Variants in ZGPAT observed in about 807,000 individuals in gnomAD.
ZGPAT encodes the protein zinc finger CCCH-type and G-patch domain containing.
In ZGPAT, 39 loss-of-function variants were observed where a neutral mutation model predicts 47.9. The observed-to-expected ratio is 0.81, with a 90% confidence interval of 0.63 to 1.06. ZGPAT has a LOEUF of 1.06. ZGPAT is among the 50% of genes least tolerant of loss of function. ZGPAT has a pLI of 0.00. For synonymous variants in ZGPAT, 348 were observed against 292.9 expected (o/e 1.19, Z -1.92); for missense variants, 717 against 681.4 (o/e 1.05, Z -0.58).
At chr20:63,732,029 T>C (rs1330142268) in intron 2 of ZGPAT, among the ~76,000 whole-genome samples, 2 of 152,222 alleles carry the variant, frequency 1.3e-5, no homozygotes, top group African/African-American at 4.8e-5. Context: ...ACCAAGAGAC[T>C]ACGTGTGTAT....
intron 2 of ZGPAT, among the ~76,000 whole-genome samples, chr20:63,732,357 CATGT>C (rs1333106871): frequency 6.3e-4 from 13 of 20,706 alleles, no homozygotes; most frequent in African/African-American, 2.1e-3. Flanking sequence ...TGTGTGTGTG[CATGT>C]GTCAGGGTGT....
intron 2 of ZGPAT, among the ~76,000 whole-genome samples, chr20:63,724,839 A>G (rs981391914): frequency 2.0e-5 from 3 of 151,540 alleles, no homozygotes; most frequent in Admixed American, 6.6e-5. Context: ...ACCCCCAGCC[A>G]ATTTTTTTGG....
intron 2 of ZGPAT, among the ~76,000 whole-genome samples, chr20:63,718,640 TAGAG>T (rs969779003): frequency 1.5e-4 from 23 of 150,022 alleles, no homozygotes; most frequent in South Asian, 8.6e-4. Context: ...TTTTTTTTAA[TAGAG>T]AGAAGGTCTC....
chr20:63,718,003 A>T (rs190809481), intron 2 of ZGPAT, among the ~76,000 whole-genome samples: 1 of 152,122 alleles, frequency 6.6e-6, no homozygotes, highest in Admixed American at 6.6e-5. Context: ...GGATCACACC[A>T]TTGCACTCCA....
chr20:63,718,482 A>G (rs1224811095), intron 2 of ZGPAT, among the ~76,000 whole-genome samples: 1 of 151,742 alleles, frequency 6.6e-6, no homozygotes, highest in African/African-American at 2.4e-5. Flanking sequence ...ACAGGCACAC[A>G]CCACCACACC....
chr20:63,708,544 T>A lies in ZGPAT; in HGVS notation c.-28-9T>A. 1 of 1,538,580 alleles carries A rather than the reference T, an allele frequency of 6.5e-7. No homozygotes were observed. Among genetic ancestry groups the A allele is most frequent in the Non-Finnish European group, 8.8e-7 (1 of 1,139,526 alleles). On this transcript the variant is annotated splice_polypyrimidine_tract_variant and intron_variant, in intron 1 of 6. Transcript: ENST00000355969. ...AGACGCGGGGCTCAGCTGGCTTCTC[T>A]TCTTGCAGCCCTGGTCCAGCGCCTC...
intron 2 of ZGPAT, among the ~76,000 whole-genome samples, chr20:63,716,396 ATC>A (rs1233895407): frequency 2.0e-5 from 3 of 152,104 alleles, no homozygotes; most frequent in Non-Finnish European, 4.4e-5. Context: ...ATGTTATCTA[ATC>A]TGTTACCATA....
intron 2 of ZGPAT, among the ~76,000 whole-genome samples, chr20:63,723,349 TCCCTTCTCCTATGACACAGCTCCATCC>T: frequency 8.5e-6 from 1 of 118,076 alleles, no homozygotes; most frequent in Non-Finnish European, 1.8e-5. Context: ...AGCTCCATCC[TCCCTTCTCCTATGACACAGCTCCATCC>T]TCCCTTCTCC....
intron 2 of ZGPAT, among the ~76,000 whole-genome samples, chr20:63,713,748 G>A (rs1363568387): frequency 1.3e-5 from 2 of 151,466 alleles, no homozygotes; most frequent in African/African-American, 4.8e-5. Context: ...GCAGGTGCCT[G>A]TAATCCCATC....
chr20:63,707,445 G>GA (rs1445770145), upstream of ZGPAT: 2 of 206,658 alleles, frequency 9.7e-6, no homozygotes, highest in African/African-American at 4.7e-5. Flanking sequence ...GCGGAACGGG[G>GA]AACACACTCG....
In ZGPAT at chr20:63,735,576, G is replaced by T. The variant is rs559973707; in HGVS notation, c.1397+12G>T. The T allele has an allele frequency of 2.0e-6, 3 of 1,513,338 alleles. No individual in the cohort carries two copies. The highest frequency in any genetic ancestry group is 2.6e-6 in the Non-Finnish European group (3 of 1,132,720). 93.7% of individuals were successfully genotyped at this position (1,513,338 alleles called of 1,614,324 possible). On this transcript the variant is annotated intron_variant, in intron 6 of 6. Transcript: ENST00000355969. The stretch of plus-strand genomic sequence containing the variant: ...CGCAACGCTGGCCGGTACGTGTGGG[G>T]CCCAGCTCAGGGCAAAGGGCGACCC...
rs1383776668 is a variant in ZGPAT at position 63,708,930 on chromosome 20, G to T, written c.350G>T (p.Gly117Val). 1.2e-6 allele frequency: 2 copies of T among 1,612,866 alleles called. No individual in the cohort carries two copies. Among genetic ancestry groups the T allele is most frequent in the Admixed American group, 1.7e-5 (1 of 59,986 alleles). ...GCGGGGCCAGAATCTGCGGCAGGTG[G>T]GCAGGAGGAGGAAGAGGGAGAGGAC... ...AEAGPESAAG[G>V]QEEEEGEDEE... is the part of the protein sequence containing the mutation. Residue 117 changes from glycine (G) to valine (V), a missense_variant, in exon 2 of 7, where the codon GGG (glycine) becomes GTG (valine). By Grantham distance (109) the Gly-to-Val change is moderately radical (BLOSUM62 -3). Transcript: ENST00000355969.
At position 63,733,324 on chromosome 20, in the gene ZGPAT, T is replaced by G. The variant is rs774192812; in HGVS notation, c.690T>G (p.Asp230Glu). ...CTGCGTGTCTGGCCAAGCACCAGGA[T>G]GGCCTCTGGCACGCAGCACGCATCA... ...AGSACLAKHQDGLWHAARITD... is the reference protein window; with the variant it reads ...AGSACLAKHQEGLWHAARITD... The change falls in exon 3 of 7, where the codon GAT (aspartate) becomes GAG (glutamate). Residue 230 changes from aspartate (D) to glutamate (E), a missense_variant. Asp to Glu is a conservative substitution (Grantham distance 45, BLOSUM62 2). Transcript: ENST00000355969. 2.5e-6 allele frequency: 4 copies of G among 1,612,944 alleles called. No individual in the cohort carries two copies. The highest frequency in any genetic ancestry group is 3.4e-6 in the Non-Finnish European group (4 of 1,179,924).
chr20:63,734,083 C>G (rs957894844), intron 4 of ZGPAT: 2 of 318,356 alleles, frequency 6.3e-6, no homozygotes, highest in Non-Finnish European at 1.2e-5. Context: ...CATGGCTTCT[C>G]AGACTTGGGA....
rs201928593 is a variant in ZGPAT, at chr20:63,735,413, C to T, written c.1246C>T (p.Pro416Ser). The change falls in exon 6 of 7, where the codon CCA (proline) becomes TCA (serine). Residue 416 changes from proline (P) to serine (S), a missense_variant. Coordinates refer to ENST00000355969, the MANE Select transcript of ZGPAT (RefSeq NM_181485.3). Reference protein sequence around the residue: ...APGALEAGAAPAGRRSKDMYH... With the variant: ...APGALEAGAASAGRRSKDMYH... ...TGGGGCCCTAGAAGCCGGGGCGGCCCCAGCGGGGAGGAGGAGCAAGGACAT... is the reference window on the plus strand; with the variant it reads ...TGGGGCCCTAGAAGCCGGGGCGGCCTCAGCGGGGAGGAGGAGCAAGGACAT... The T allele has an allele frequency of 2.7e-5, 42 of 1,568,082 alleles. No homozygotes were observed. The highest frequency in any genetic ancestry group is 3.4e-5 in the Non-Finnish European group (40 of 1,160,036).
intron 2 of ZGPAT, among the ~76,000 whole-genome samples, chr20:63,711,448 C>T (rs891045587): frequency 3.9e-5 from 6 of 152,272 alleles, no homozygotes; most frequent in African/African-American, 7.2e-5. Context: ...CAGAGGGCTC[C>T]GGTTGCCCCC....
At chr20:63,727,093 A>G (rs953317189) in intron 2 of ZGPAT, among the ~76,000 whole-genome samples, 3 of 152,004 alleles carry the variant, frequency 2.0e-5, no homozygotes, top group African/African-American at 7.3e-5. Flanking sequence ...ACAGGCATCT[A>G]CTATTGTGGT....
Position 63,735,322 on chromosome 20 carries a change from TG to T in ZGPAT, c.1160del (p.Gly387AlafsTer24), listed in dbSNP as rs1157075398. ...GGTGCCGGGGAAGAGGGGCCAGGCC[TG>T]GGGGCCGCCCAGCTCCTCGGAATGT... ...PRCRGRGARPGGRPAPRNVFD... is the reference protein window; with the variant it reads ...PRCRGRGARPXGRPAPRNVFD... On this transcript the variant is annotated frameshift_variant, in exon 6 of 7. Transcript: ENST00000355969. LOFTEE classifies it high-confidence loss of function. The T allele has an allele frequency of 1.3e-6, 2 of 1,581,392 alleles. No individual in the cohort carries two copies. The highest frequency in any genetic ancestry group is 2.3e-5 in the South Asian group (2 of 86,200).
At chr20:63,713,784 T>A (rs1163298371) in intron 2 of ZGPAT, among the ~76,000 whole-genome samples, 2 of 151,392 alleles carry the variant, frequency 1.3e-5, no homozygotes, top group African/African-American at 4.8e-5. Flanking sequence ...GGCAAGAGAA[T>A]TGCTTGAACC....
Sources: allele counts gnomAD v4.1 joint callset (sites outside exome capture counted in the v4.1 genomes callset), GRCh38; gene constraint gnomAD v4.1.1; transcripts MANE v1.5; gene names NCBI Gene and HGNC (gene_info 2026-07-23, HGNC 2026-07-21).